AFG2B: variants seen among roughly 807,000 people sequenced by gnomAD.
The protein encoded by AFG2B is AAA ATPase AFG2B.
the AFG2B span, chr15:45,414,797 A>C: frequency 6.3e-7 from 1 of 1,593,266 alleles, no homozygotes; most frequent in Non-Finnish European, 8.6e-7. Context: ...TTATTTCCCC[A>C]TATGTTTAAA....
At chr15:45,415,553 A>G in the AFG2B span, 2 of 1,579,860 alleles carry the variant, frequency 1.3e-6, no homozygotes, top group African/African-American at 2.7e-5. Context: ...AATGTATAAC[A>G]TATAGCTTTT....
the AFG2B span, among the ~76,000 whole-genome samples, chr15:45,408,945 C>T: frequency 6.6e-6 from 1 of 152,148 alleles, no homozygotes; most frequent in African/African-American, 2.4e-5. Context: ...TCATAACAGC[C>T]TTTACTATCA....
At chr15:45,404,702 G>A in the AFG2B span, among the ~76,000 whole-genome samples, 25 of 151,626 alleles carry the variant, frequency 1.6e-4, no homozygotes, top group African/African-American at 6.0e-4. Flanking sequence ...TAGCTACTCT[G>A]GAGGCTGAGG....
the AFG2B span, among the ~76,000 whole-genome samples, chr15:45,414,064 T>C: frequency 1.5e-4 from 23 of 151,980 alleles, no homozygotes; most frequent in African/African-American, 5.3e-4. Flanking sequence ...CGTGGAAAAA[T>C]AATAATAGTG....
At chr15:45,404,685 G>A in the AFG2B span, among the ~76,000 whole-genome samples, 88 of 151,852 alleles carry the variant, frequency 5.8e-4, 1 homozygote, top group East Asian at 2.9e-3. Flanking sequence ...GCACATGCCT[G>A]TAGTTCTAGC....
the AFG2B span, among the ~76,000 whole-genome samples, chr15:45,419,885 G>C: frequency 3.3e-5 from 5 of 151,686 alleles, no homozygotes; most frequent in African/African-American, 1.2e-4. Flanking sequence ...CAGCTACTCA[G>C]GAGGCTGAGG....
chr15:45,415,719 G>T, the AFG2B span: 1 of 1,614,060 alleles, frequency 6.2e-7, no homozygotes, highest in Non-Finnish European at 8.5e-7. Context: ...TCTCCTGAAT[G>T]AATTAGATGG....
chr15:45,403,661 G>T, the AFG2B span: 32 of 1,023,650 alleles, frequency 3.1e-5, no homozygotes, highest in Non-Finnish European at 4.0e-5. Context: ...CAGAGAACAC[G>T]TTCTCTGCCG....
chr15:45,403,501 G>A, the AFG2B span: 2 of 1,603,140 alleles, frequency 1.2e-6, no homozygotes, highest in South Asian at 1.1e-5. Context: ...GCGTAGGCCC[G>A]GGAGATTTGA....
the AFG2B span, chr15:45,417,459 T>C: frequency 6.3e-7 from 1 of 1,587,846 alleles, no homozygotes; most frequent in Admixed American, 1.7e-5. Flanking sequence ...AACTTGGATA[T>C]AGGTGTCCAT....
chr15:45,402,712 A>G, the AFG2B span: 2 of 1,566,462 alleles, frequency 1.3e-6, no homozygotes, highest in Non-Finnish European at 1.7e-6. Flanking sequence ...GAGGAGTCTC[A>G]GCCTGAATCG....
At chr15:45,418,791 GA>G in the AFG2B span, 1 of 1,391,886 alleles carries the variant, frequency 7.2e-7, no homozygotes, top group Non-Finnish European at 9.7e-7. Flanking sequence ...CATGTGATGT[GA>G]AACAGACAGA....
the AFG2B span, among the ~76,000 whole-genome samples, chr15:45,418,842 G>T: frequency 2.0e-5 from 3 of 152,340 alleles, no homozygotes; most frequent in Non-Finnish European, 4.4e-5. Flanking sequence ...TAAGTGTGGG[G>T]TGGTGAGGAG....
chr15:45,403,117 G>T, the AFG2B span: 1 of 1,498,426 alleles, frequency 6.7e-7, no homozygotes. Context: ...GACCGCGCTG[G>T]GCTTAGCGGT....
At chr15:45,414,381 C>A in the AFG2B span, among the ~76,000 whole-genome samples, 3 of 152,150 alleles carry the variant, frequency 2.0e-5, no homozygotes, top group Non-Finnish European at 4.4e-5. Flanking sequence ...AATAGTAAAT[C>A]ATTGAAGGAT....
the AFG2B span, chr15:45,414,594 C>A: frequency 6.2e-7 from 1 of 1,614,052 alleles, no homozygotes; most frequent in Non-Finnish European, 8.5e-7. Context: ...CTCTGAAATT[C>A]CCTTGGGAAT....
chr15:45,403,314 C>T, the AFG2B span: 1 of 1,595,844 alleles, frequency 6.3e-7, no homozygotes, highest in Non-Finnish European at 8.5e-7. Flanking sequence ...TGGCCAGCCG[C>T]GGACCCAGCC....
the AFG2B span, chr15:45,410,440 G>A: frequency 1.9e-6 from 3 of 1,613,838 alleles, no homozygotes; most frequent in Non-Finnish European, 1.7e-6. Context: ...AGCCCTCATC[G>A]TTTCGAAGCG....
At chr15:45,405,432 T>TTGGC in the AFG2B span, 1 of 1,614,178 alleles carries the variant, frequency 6.2e-7, no homozygotes, top group South Asian at 1.1e-5. Flanking sequence ...GAAATGACAG[T>TTGGC]TGGCTATGTT....
Sources: gnomAD v4.1 joint callset for allele counts (sites outside exome capture counted in the v4.1 genomes callset) on GRCh38, gnomAD v4.1.1 for gene constraint, MANE v1.5 for transcripts, NCBI Gene and HGNC (gene_info 2026-07-23, HGNC 2026-07-21) for gene names.